The following CTNNA3 variants were observed in gnomAD, a reference collection of about 807,000 sequenced individuals.
CTNNA3 encodes the protein catenin alpha-3.
CTNNA3 carries 76 observed loss-of-function variants against 95.7 expected under a neutral mutation model. The ratio of observed to expected loss-of-function variants is 0.79; its 90% CI spans 0.66 to 0.96. The LOEUF is 0.96. Among genes scored for constraint, CTNNA3 ranks in the 40% least tolerant of loss-of-function variants. CTNNA3 has a pLI of 0.00. For missense variants in CTNNA3, 1,191 were observed against 1,089.8 expected, an observed-to-expected ratio of 1.09 and a Z score of -1.31; for synonymous variants, 431 against 374.4, an observed-to-expected ratio of 1.15 and a Z score of -1.74.
intron 7 of CTNNA3, among the ~76,000 whole-genome samples, chr10:66,996,766 G>C (rs998708395): frequency 1.3e-5 from 2 of 150,530 alleles, no homozygotes; most frequent in African/African-American, 4.9e-5. Context: ...AAATTTCTAA[G>C]GGTATGTGCA....
intron 7 of CTNNA3, among the ~76,000 whole-genome samples, chr10:67,085,018 A>G (rs1341578623): frequency 2.0e-5 from 3 of 151,990 alleles, no homozygotes; most frequent in African/African-American, 7.2e-5. Flanking sequence ...TCCTAATGAT[A>G]CTGAAGATCT....
At chr10:66,199,783 ATATATATATATATATATATATATTT>A (rs2087222990) in intron 13 of CTNNA3, among the ~76,000 whole-genome samples, 1 of 10,306 alleles carries the variant, frequency 9.7e-5, no homozygotes, top group Non-Finnish European at 1.9e-4. Context: ...ATATATATAT[ATATATATATATATATATATATATTT>A]TTTTTTTTTT....
intron 7 of CTNNA3, among the ~76,000 whole-genome samples, chr10:67,118,133 G>GA (rs376273377): frequency 8.3e-4 from 126 of 151,736 alleles, no homozygotes; most frequent in African/African-American, 2.9e-3. Flanking sequence ...AGCACTTTAG[G>GA]AAAAAAGCAT....
chr10:65,965,365 A>G (rs1454328102), intron 17 of CTNNA3, among the ~76,000 whole-genome samples: 1 of 149,348 alleles, frequency 6.7e-6, no homozygotes, highest in Admixed American at 6.7e-5. Context: ...CAAGACATAG[A>G]CAGTCACTAT....
intron 3 of CTNNA3, among the ~76,000 whole-genome samples, chr10:67,568,881 G>A (rs1215446531): frequency 6.6e-6 from 1 of 152,090 alleles, no homozygotes; most frequent in Non-Finnish European, 1.5e-5. Context: ...CTCTTACTAT[G>A]TTGGTGTTGT....
intron 7 of CTNNA3, among the ~76,000 whole-genome samples, chr10:66,839,319 A>G: frequency 6.6e-6 from 1 of 152,144 alleles, no homozygotes; most frequent in East Asian, 1.9e-4. Flanking sequence ...GAGAAGGGGT[A>G]GCTGTCAGAA....
In CTNNA3 at chr10:66,610,694, C is replaced by T. The variant is rs566999099; in HGVS notation, c.1374+10998G>A. Among the ~76,000 whole-genome samples, 9 of 151,832 alleles carry T rather than the reference C, an allele frequency of 5.9e-5. No individual in the cohort carries two copies. In the South Asian group the frequency reaches 6.2e-4, roughly 11 times the overall value. On this transcript the variant is annotated intron_variant, in intron 10 of 17. Coordinates refer to ENST00000433211, the MANE Select transcript of CTNNA3 (RefSeq NM_013266.4). ...TTGTTGGTGGGAATATAAAGTCATA[C>T]GGTAAATATGGAAAACTGTATGGAG... is the stretch of plus-strand genomic sequence containing the variant.
intron 16 of CTNNA3, among the ~76,000 whole-genome samples, chr10:65,972,524 G>A (rs2078125286): frequency 6.6e-6 from 1 of 152,110 alleles, no homozygotes. Flanking sequence ...AAAATCAATA[G>A]CATTTCTATA....
At chr10:66,366,790 T>C (rs1044511766) in intron 12 of CTNNA3, among the ~76,000 whole-genome samples, 3 of 152,116 alleles carry the variant, frequency 2.0e-5, no homozygotes, top group African/African-American at 7.2e-5. Flanking sequence ...AACAGAGCAG[T>C]TAGCAACAAA....
At chr10:67,475,258 A>G (rs1268295515) in intron 5 of CTNNA3, among the ~76,000 whole-genome samples, 2 of 152,196 alleles carry the variant, frequency 1.3e-5, no homozygotes, top group Admixed American at 1.3e-4. Context: ...TCATTGCCAG[A>G]TATCAGGAAG....
chr10:66,569,824 G>C (rs560096598), intron 10 of CTNNA3, among the ~76,000 whole-genome samples: 130 of 152,204 alleles, frequency 8.5e-4, no homozygotes, highest in African/African-American at 2.8e-3. Context: ...ATCAGGAGTG[G>C]GTGGTGTAAA....
At chr10:66,914,616 G>A (rs1175999133) in intron 7 of CTNNA3, among the ~76,000 whole-genome samples, 1 of 150,684 alleles carries the variant, frequency 6.6e-6, no homozygotes, top group Non-Finnish European at 1.5e-5. Flanking sequence ...GTAACAGTAT[G>A]CTATGAAGAA....
intron 7 of CTNNA3, among the ~76,000 whole-genome samples, chr10:67,010,899 T>C (rs540466405): frequency 1.1e-4 from 17 of 152,202 alleles, no homozygotes; most frequent in Admixed American, 5.9e-4. Context: ...TTATTTCTTC[T>C]AAACCTAACA....
chr10:66,360,125 C>T (rs983006555), intron 12 of CTNNA3, among the ~76,000 whole-genome samples: 1 of 151,998 alleles, frequency 6.6e-6, no homozygotes, highest in African/African-American at 2.4e-5. Context: ...TCGCACCTGG[C>T]CCTCATCTTA....
chr10:66,639,251 T>C (rs1845437599), intron 9 of CTNNA3, among the ~76,000 whole-genome samples: 1 of 152,178 alleles, frequency 6.6e-6, no homozygotes, highest in Admixed American at 6.6e-5. Context: ...TATTATGAGT[T>C]ACAGTGAGTA....
chr10:67,433,720 A>G (rs1846202870), intron 5 of CTNNA3, among the ~76,000 whole-genome samples: 1 of 152,096 alleles, frequency 6.6e-6, no homozygotes, highest in South Asian at 2.1e-4. Context: ...GAATAAATAA[A>G]ATGAATGAAT....
chr10:66,522,188 GTTTGTAAACTGAAGATTTA>G (rs1277335248), intron 10 of CTNNA3, among the ~76,000 whole-genome samples: 1 of 152,062 alleles, frequency 6.6e-6, no homozygotes, highest in East Asian at 1.9e-4. Flanking sequence ...TAAGTTATCA[GTTTGTAAACTGAAGATTTA>G]TTTGGGGCAT....
At chr10:66,270,845 T>A (rs141811616) in intron 13 of CTNNA3, among the ~76,000 whole-genome samples, 116 of 152,198 alleles carry the variant, frequency 7.6e-4, no homozygotes, top group African/African-American at 2.6e-3. Context: ...GTCTGAGGAA[T>A]TAGGGGAACA....
chr10:66,401,658 C>CTTTTT (rs540003137), intron 11 of CTNNA3, among the ~76,000 whole-genome samples: 1 of 116,300 alleles, frequency 8.6e-6, no homozygotes, highest in Admixed American at 9.4e-5. Flanking sequence ...CCATTTCTTT[C>CTTTTT]TTTTTTTTTT....
Sources: allele counts gnomAD v4.1 joint callset (sites outside exome capture counted in the v4.1 genomes callset), GRCh38; gene constraint gnomAD v4.1.1; transcripts MANE v1.5; gene names NCBI Gene and HGNC (gene_info 2026-07-23, HGNC 2026-07-21).